Variants in ADAMTS17 observed in about 807,000 individuals in gnomAD.
The protein encoded by ADAMTS17 is A disintegrin and metalloproteinase with thrombospondin motifs 17.
ADAMTS17 carries 113 observed loss-of-function variants against 141.5 expected under a neutral mutation model. The ratio of observed to expected loss-of-function variants is 0.80; its 90% CI spans 0.69 to 0.93. The LOEUF is 0.93. Ranked by LOEUF, ADAMTS17 falls within the 40% of genes least tolerant of loss-of-function variation. ADAMTS17 has a pLI of 0.00. For synonymous variants in ADAMTS17, 768 were observed against 630.6 expected, an observed-to-expected ratio of 1.22 and a Z score of -3.27; for missense variants, 1,659 against 1,517.9, an observed-to-expected ratio of 1.09 and a Z score of -1.54.
At chr15:100,180,667 AT>A (rs146161274) in intron 8 of ADAMTS17, among the ~76,000 whole-genome samples, 3 of 151,938 alleles carry the variant, frequency 2.0e-5, no homozygotes, top group East Asian at 1.9e-4. Flanking sequence ...ATATCTTTCC[AT>A]TTTTTTTGAG....
intron 14 of ADAMTS17, among the ~76,000 whole-genome samples, chr15:100,103,495 A>G (rs902296608): frequency 6.6e-6 from 1 of 152,334 alleles, no homozygotes; most frequent in Non-Finnish European, 1.5e-5. Context: ...CTTGGCAATG[A>G]AAGTCGTCCA....
At chr15:100,223,333 C>A (rs59178373) in intron 7 of ADAMTS17, among the ~76,000 whole-genome samples, 5 of 152,018 alleles carry the variant, frequency 3.3e-5, no homozygotes, top group Non-Finnish European at 5.9e-5. Flanking sequence ...AGCACTGACT[C>A]TTTTTTTTCA....
intron 20 of ADAMTS17, chr15:99,979,529 CA>C (rs1341320807): frequency 6.6e-6 from 1 of 152,268 alleles, no homozygotes; most frequent in African/African-American, 2.4e-5. Context: ...ACGCTAAACG[CA>C]GAGCGAAGTC....
At chr15:100,232,110 G>A (rs1348956893) in intron 7 of ADAMTS17, among the ~76,000 whole-genome samples, 3 of 152,224 alleles carry the variant, frequency 2.0e-5, no homozygotes, top group African/African-American at 7.2e-5. Flanking sequence ...TAAAGAAATT[G>A]ACACTTCCAA....
At chr15:100,032,210 A>G (rs2030245941) in intron 18 of ADAMTS17, among the ~76,000 whole-genome samples, 1 of 152,136 alleles carries the variant, frequency 6.6e-6, no homozygotes, top group African/African-American at 2.4e-5. Context: ...GGTCTGACTG[A>G]GAGTCCCTCC....
At chr15:100,124,592 G>A (rs1271620341) in intron 12 of ADAMTS17, among the ~76,000 whole-genome samples, 1 of 152,238 alleles carries the variant, frequency 6.6e-6, no homozygotes, top group East Asian at 1.9e-4. Flanking sequence ...GCGCGCCCCA[G>A]GGGCCAGCAA....
At chr15:99,982,936 G>T (rs2727208) in intron 20 of ADAMTS17, among the ~76,000 whole-genome samples, 12,242 of 152,142 alleles carry the variant, frequency 0.08, 1,477 homozygotes, top group African/African-American at 0.26. Flanking sequence ...GAAAAAACAG[G>T]AACAAAATTG....
At position 100,164,060 on chromosome 15, in the gene ADAMTS17, C is replaced by A. The variant is rs547854732; in HGVS notation, c.1182-8740G>T. On this transcript the variant is annotated intron_variant, in intron 8 of 21. Transcript: ENST00000268070. ...CTTCTTTCTCTGAAACCATCTTTCC[C>A]AGACAAGTTAACAGTATCAGGCACC... Among the ~76,000 whole-genome samples the A allele has an allele frequency of 1.2e-4, 19 of 152,258 alleles. No individual in the cohort carries two copies. The South Asian group carries it at 3.9e-3, about 32-fold the overall frequency.
chr15:100,135,323 G>A (rs908613950), intron 10 of ADAMTS17, among the ~76,000 whole-genome samples: 1 of 147,984 alleles, frequency 6.8e-6, no homozygotes, highest in Non-Finnish European at 1.5e-5. Context: ...TCGCTCTGTC[G>A]CCCAGGCTGG....
chr15:100,113,234 C>G (rs965347477), intron 13 of ADAMTS17, among the ~76,000 whole-genome samples: 1 of 152,234 alleles, frequency 6.6e-6, no homozygotes, highest in East Asian at 1.9e-4. Context: ...CATGTCTGCT[C>G]GTGGTTGACG....
chr15:100,107,243 T>C (rs1596450999), intron 14 of ADAMTS17, among the ~76,000 whole-genome samples: 1 of 152,212 alleles, frequency 6.6e-6, no homozygotes, highest in Non-Finnish European at 1.5e-5. Context: ...GCCTATGCAC[T>C]CTGCTAGGCA....
intron 17 of ADAMTS17, among the ~76,000 whole-genome samples, chr15:100,049,572 T>A (rs906107003): frequency 5.3e-5 from 8 of 152,218 alleles, no homozygotes; most frequent in Non-Finnish European, 5.9e-5. Flanking sequence ...GCTTTGCTAA[T>A]TCATTATCCC....
intron 12 of ADAMTS17, among the ~76,000 whole-genome samples, chr15:100,118,760 G>C (rs1249522103): frequency 2.6e-5 from 4 of 152,212 alleles, no homozygotes; most frequent in African/African-American, 7.2e-5. Flanking sequence ...ACATGGATCA[G>C]TAGGAGAAAC....
chr15:100,195,414 T>A (rs559279523), intron 8 of ADAMTS17, among the ~76,000 whole-genome samples: 2 of 152,204 alleles, frequency 1.3e-5, no homozygotes, highest in Non-Finnish European at 2.9e-5. Context: ...AGGCAGGATC[T>A]GTGAGAAGGC....
chr15:100,255,703 T>C (rs2043304782), intron 6 of ADAMTS17, among the ~76,000 whole-genome samples: 1 of 151,146 alleles, frequency 6.6e-6, no homozygotes, highest in African/African-American at 2.4e-5. Flanking sequence ...ATTTAAAGCT[T>C]TGCCCCATCA....
At chr15:100,179,679 C>CT (rs1182729128) in intron 8 of ADAMTS17, among the ~76,000 whole-genome samples, 2 of 152,114 alleles carry the variant, frequency 1.3e-5, no homozygotes, top group African/African-American at 2.4e-5. Context: ...TGAGGGTTGC[C>CT]TTTTTTCCAC....
intron 3 of ADAMTS17, among the ~76,000 whole-genome samples, chr15:100,329,431 A>G (rs982135249): frequency 7.9e-5 from 12 of 151,648 alleles, no homozygotes; most frequent in African/African-American, 2.7e-4. Flanking sequence ...GCTACTCAGG[A>G]GCGAGGATCA....
intron 7 of ADAMTS17, among the ~76,000 whole-genome samples, chr15:100,218,441 C>T (rs1321419567): frequency 6.6e-6 from 1 of 152,128 alleles, no homozygotes; most frequent in Admixed American, 6.5e-5. Context: ...AGACATTTTT[C>T]CAAAGCAGAA....
intron 7 of ADAMTS17, among the ~76,000 whole-genome samples, chr15:100,221,009 A>G (rs148519644): frequency 0.011 from 1,706 of 152,302 alleles, 28 homozygotes; most frequent in African/African-American, 0.038. Flanking sequence ...TATGTTTCCA[A>G]TTCTCTTGGG....
Sources: gnomAD v4.1 joint callset for allele counts (sites outside exome capture counted in the v4.1 genomes callset) on GRCh38, gnomAD v4.1.1 for gene constraint, MANE v1.5 for transcripts, NCBI Gene and HGNC (gene_info 2026-07-23, HGNC 2026-07-21) for gene names.